PTPRT: variants seen among roughly 807,000 people sequenced by gnomAD.
PTPRT encodes receptor-type tyrosine-protein phosphatase T.
PTPRT carries 56 observed loss-of-function variants against 176.8 expected under a neutral mutation model. The observed-to-expected ratio is 0.32, with a 90% CI of 0.26 to 0.40. The LOEUF is 0.40. Among genes scored for constraint, PTPRT ranks in the 10% least tolerant of loss-of-function variants. PTPRT has a pLI of 1.00. For missense variants in PTPRT, 1,540 were observed against 1,908.2 expected, an observed-to-expected ratio of 0.81 and a Z score of 3.60; for synonymous variants, 783 against 739.0, an observed-to-expected ratio of 1.06 and a Z score of -0.96.
chr20:42,948,396 T>G (rs184754470), intron 1 of PTPRT, among the ~76,000 whole-genome samples: 146 of 152,252 alleles, frequency 9.6e-4, no homozygotes, highest in Non-Finnish European at 1.7e-3. Flanking sequence ...TATGGGCACA[T>G]ATCTCAGAGT....
At chr20:42,142,804 C>G (rs1294076426) in intron 17 of PTPRT, among the ~76,000 whole-genome samples, 1 of 152,020 alleles carries the variant, frequency 6.6e-6, no homozygotes, top group African/African-American at 2.4e-5. Context: ...TATTTTTTGA[C>G]TGAGATTGAC....
intron 1 of PTPRT, among the ~76,000 whole-genome samples, chr20:43,172,031 C>A (rs1393311977): frequency 6.6e-6 from 1 of 152,210 alleles, no homozygotes; most frequent in African/African-American, 2.4e-5. Flanking sequence ...AATTCCCTCC[C>A]CTTGCCCCTT....
chr20:42,623,036 G>C (rs919040635), intron 7 of PTPRT, among the ~76,000 whole-genome samples: 1 of 152,138 alleles, frequency 6.6e-6, no homozygotes. Context: ...GAGAAGAAGA[G>C]AAAAGAAGGA....
chr20:42,465,148 A>AC (rs1247529511), intron 8 of PTPRT, among the ~76,000 whole-genome samples: 4 of 132,238 alleles, frequency 3.0e-5, no homozygotes, highest in Admixed American at 7.5e-5. Flanking sequence ...AATAGAAAAA[A>AC]AAACACTCTT....
intron 7 of PTPRT, among the ~76,000 whole-genome samples, chr20:42,677,105 A>C (rs76241405): frequency 0.015 from 2,346 of 152,290 alleles, 22 homozygotes; most frequent in Non-Finnish European, 0.022. Context: ...GGGGATACAG[A>C]GGCAGGAAGC....
intron 17 of PTPRT, among the ~76,000 whole-genome samples, chr20:42,149,752 G>A (rs761966017): frequency 1.7e-4 from 26 of 152,166 alleles, no homozygotes; most frequent in Non-Finnish European, 3.2e-4. Flanking sequence ...GGTAGGCTGA[G>A]CTAGTGCCAG....
intron 1 of PTPRT, among the ~76,000 whole-genome samples, chr20:43,151,810 C>G (rs1424466444): frequency 6.6e-6 from 1 of 151,874 alleles, no homozygotes; most frequent in Non-Finnish European, 1.5e-5. Flanking sequence ...TTGCAGTGAG[C>G]CAAGATTGTG....
intron 6 of PTPRT, among the ~76,000 whole-genome samples, chr20:42,682,099 T>G (rs1224426543): frequency 6.6e-6 from 1 of 152,168 alleles, no homozygotes; most frequent in Non-Finnish European, 1.5e-5. Flanking sequence ...TTGATTTGGG[T>G]AATTAAATAA....
intron 9 of PTPRT, among the ~76,000 whole-genome samples, chr20:42,399,845 C>CT (rs1163951064): frequency 6.6e-6 from 1 of 152,240 alleles, no homozygotes; most frequent in Non-Finnish European, 1.5e-5. Flanking sequence ...ATTTACATCA[C>CT]TTTTCACCCG....
At chr20:42,630,342 A>G (rs771985448) in intron 7 of PTPRT, among the ~76,000 whole-genome samples, 6 of 152,180 alleles carry the variant, frequency 3.9e-5, no homozygotes, top group Non-Finnish European at 8.8e-5. Context: ...CCAGAAGGCC[A>G]GAAGATAATA....
In PTPRT at chr20:42,779,020, C is replaced by G. The variant is rs556084631; in HGVS notation, c.568+1198G>C. On this transcript the variant is annotated intron_variant, in intron 4 of 30. Transcript: ENST00000373187. ...AAGAGGGTCTCTCCTGCACAGGATC[C>G]AAACACAATTTCTCAAAATAATGTT... Among the ~76,000 whole-genome samples the G allele has an allele frequency of 5.9e-5, 9 of 152,228 alleles. No homozygotes were observed. In the East Asian group the frequency reaches 1.4e-3, roughly 23 times the overall value.
Position 42,756,447 on chromosome 20 carries a change from G to A in PTPRT, c.859+15C>T, listed in dbSNP as rs1024265295. On this transcript the variant is annotated intron_variant, in intron 6 of 30. Coordinates refer to ENST00000373187, the MANE Select transcript of PTPRT (RefSeq NM_007050.6). ...ACCTTCCATGGCAGTAGAGGCGCAGGCTGGAGGCACTCACCTTTCACGATC... is the reference window on the plus strand; with the variant it reads ...ACCTTCCATGGCAGTAGAGGCGCAGACTGGAGGCACTCACCTTTCACGATC... 1 of 1,529,410 alleles carries A rather than the reference G, an allele frequency of 6.5e-7. No homozygotes were observed. The highest frequency in any genetic ancestry group is 1.3e-5 in the South Asian group (1 of 78,708). The allele number at this position is 1,529,410 out of a possible 1,614,324, so 94.7% of individuals were successfully genotyped here.
chr20:42,962,825 T>C (rs1282854908), intron 1 of PTPRT, among the ~76,000 whole-genome samples: 1 of 152,078 alleles, frequency 6.6e-6, no homozygotes, highest in African/African-American at 2.4e-5. Context: ...CCCAACACTT[T>C]GGGAGGCTAG....
intron 7 of PTPRT, among the ~76,000 whole-genome samples, chr20:42,565,724 C>A (rs2073028286): frequency 6.6e-6 from 1 of 152,058 alleles, no homozygotes. Context: ...GGTCTGAAGG[C>A]CTTTGGATCA....
intron 7 of PTPRT, among the ~76,000 whole-genome samples, chr20:42,559,766 C>G (rs571730763): frequency 1.3e-5 from 2 of 152,198 alleles, no homozygotes; most frequent in African/African-American, 2.4e-5. Flanking sequence ...TGCAATTGTA[C>G]TTAGCCTGTT....
chr20:42,246,624 C>T (rs2056455816), intron 14 of PTPRT, among the ~76,000 whole-genome samples: 1 of 152,192 alleles, frequency 6.6e-6, no homozygotes. Context: ...GTCACACTCA[C>T]ACATTTCAGA....
intron 7 of PTPRT, chr20:42,606,695 C>T (rs1264047429): frequency 2.0e-5 from 3 of 152,110 alleles, no homozygotes; most frequent in African/African-American, 7.2e-5. Context: ...TTTTGGCTTT[C>T]TTCCCTCACA....
chr20:42,066,370 G>C, the PTPRT span, among the ~76,000 whole-genome samples: 1 of 151,954 alleles, frequency 6.6e-6, no homozygotes, highest in Non-Finnish European at 1.5e-5. Flanking sequence ...AGACTATGGG[G>C]GTCATTAATG....
intron 1 of PTPRT, among the ~76,000 whole-genome samples, chr20:43,162,659 A>C (rs1233663814): frequency 7.9e-6 from 1 of 126,718 alleles, no homozygotes; most frequent in Non-Finnish European, 1.9e-5. Flanking sequence ...GCAAGGAGTC[A>C]AGCTTCCAGG....
Sources: allele counts gnomAD v4.1 joint callset (sites outside exome capture counted in the v4.1 genomes callset), GRCh38; gene constraint gnomAD v4.1.1; transcripts MANE v1.5; gene names NCBI Gene and HGNC (gene_info 2026-07-23, HGNC 2026-07-21).